The following ADAMTS3 variants were observed in gnomAD, a reference collection of about 807,000 sequenced individuals.
The protein encoded by ADAMTS3 is A disintegrin and metalloproteinase with thrombospondin motifs 3.
In ADAMTS3, 73 loss-of-function variants were observed where a neutral mutation model predicts 129.0. The ratio of observed to expected loss-of-function variants is 0.57; its 90% CI spans 0.47 to 0.69. ADAMTS3 has a LOEUF of 0.69. ADAMTS3 is among the 30% of genes least tolerant of loss of function. ADAMTS3 has a pLI of 0.00. For synonymous variants in ADAMTS3, 477 were observed against 510.8 expected (o/e 0.93, Z 0.89); for missense variants, 1,457 against 1,514.5 (o/e 0.96, Z 0.63).
intron 4 of ADAMTS3, among the ~76,000 whole-genome samples, chr4:72,413,668 A>G (rs530001244): frequency 6.6e-6 from 1 of 152,020 alleles, no homozygotes; most frequent in South Asian, 2.1e-4. Flanking sequence ...TGCAATATAT[A>G]TTACTTCTTT....
chr4:72,417,275 T>C (rs1011438524), intron 3 of ADAMTS3, among the ~76,000 whole-genome samples: 12 of 152,186 alleles, frequency 7.9e-5, no homozygotes, highest in Middle Eastern at 3.2e-3. Flanking sequence ...GAAGAAACAG[T>C]GCCACTGAAG....
intron 4 of ADAMTS3, among the ~76,000 whole-genome samples, chr4:72,351,107 T>C (rs1427065720): frequency 6.6e-6 from 1 of 152,018 alleles, no homozygotes; most frequent in Non-Finnish European, 1.5e-5. Context: ...ATGTTTCTCA[T>C]CTCTCAGGAT....
intron 3 of ADAMTS3, among the ~76,000 whole-genome samples, chr4:72,504,956 T>C (rs935707833): frequency 1.3e-5 from 2 of 152,206 alleles, no homozygotes; most frequent in Admixed American, 1.3e-4. Flanking sequence ...TCCCTTCATT[T>C]CCCATATTGC....
chr4:72,485,792 G>C (rs1043720401), intron 3 of ADAMTS3, among the ~76,000 whole-genome samples: 2 of 152,154 alleles, frequency 1.3e-5, no homozygotes, highest in Non-Finnish European at 2.9e-5. Flanking sequence ...AATTAAGAGG[G>C]GGGGCCTTTG....
chr4:72,351,987 T>C (rs955628670), intron 4 of ADAMTS3, among the ~76,000 whole-genome samples: 2 of 150,828 alleles, frequency 1.3e-5, no homozygotes, highest in Non-Finnish European at 1.5e-5. Flanking sequence ...CAACAAGCAG[T>C]ATGAAACAGC....
At position 72,315,777 on chromosome 4, in the gene ADAMTS3, T is replaced by C. The variant is rs1436001960; in HGVS notation, c.1599+81A>G. 12 of 880,878 alleles carry C rather than the reference T, an allele frequency of 1.4e-5. No individual in the cohort carries two copies. In the East Asian group the frequency reaches 3.1e-4, roughly 23 times the overall value. 54.6% of individuals were successfully genotyped at this position (880,878 alleles called of 1,614,324 possible). On this transcript the variant is annotated intron_variant, in intron 11 of 21. Coordinates refer to ENST00000286657, the MANE Select transcript of ADAMTS3 (RefSeq NM_014243.3). ...TTTCATAAAAATGACAGTGCAGCTG[T>C]GTTTACCATTTTCCAGACCTTTAAA...
chr4:72,355,859 G>C (rs551045880), intron 4 of ADAMTS3, among the ~76,000 whole-genome samples: 31 of 152,110 alleles, frequency 2.0e-4, no homozygotes, highest in African/African-American at 6.5e-4. Flanking sequence ...TGCTCTCCAT[G>C]ATATTCATCA....
chr4:72,550,114 AGAAG>A (rs1721608799), intron 2 of ADAMTS3, among the ~76,000 whole-genome samples: 2 of 96,582 alleles, frequency 2.1e-5, no homozygotes, highest in African/African-American at 7.0e-5. Context: ...AAGAAGAAGA[AGAAG>A]GCATAGAAAG....
chr4:72,305,899 C>A, intron 16 of ADAMTS3, 88 bp downstream of exon 16: 1 of 1,091,620 alleles, frequency 9.2e-7, no homozygotes, highest in Admixed American at 2.0e-5. Flanking sequence ...TATATGTGTA[C>A]ATATATACAT....
intron 4 of ADAMTS3, among the ~76,000 whole-genome samples, chr4:72,373,272 G>A (rs1379714126): frequency 2.0e-5 from 3 of 152,016 alleles, no homozygotes; most frequent in Non-Finnish European, 4.4e-5. Flanking sequence ...CAGAAGAGAC[G>A]GAGTCCAGAA....
intron 4 of ADAMTS3, among the ~76,000 whole-genome samples, chr4:72,347,020 A>C (rs2109839660): frequency 6.6e-6 from 1 of 152,166 alleles, no homozygotes; most frequent in African/African-American, 2.4e-5. Flanking sequence ...TTTAATTTGG[A>C]GCTACTAGGA....
intron 2 of ADAMTS3, among the ~76,000 whole-genome samples, chr4:72,558,826 A>C (rs373037766): frequency 1.3e-5 from 2 of 151,760 alleles, no homozygotes; most frequent in South Asian, 4.1e-4. Flanking sequence ...ATCCAGGTGA[A>C]TCAAAGTACT....
At chr4:72,305,867 T>C (rs930320135) in intron 16 of ADAMTS3, 120 bp downstream of exon 16, 5 of 829,592 alleles carry the variant, frequency 6.0e-6, no homozygotes, top group South Asian at 3.1e-5. Context: ...TATGCACATG[T>C]ATGTACATAT....
chr4:72,441,332 G>A (rs188536763), intron 3 of ADAMTS3, among the ~76,000 whole-genome samples: 74 of 151,788 alleles, frequency 4.9e-4, no homozygotes, highest in African/African-American at 1.6e-3. Flanking sequence ...CTTCTTTTGT[G>A]AGATGTCAGT....
At chr4:72,287,050 G>T (rs976739038) in intron 21 of ADAMTS3, among the ~76,000 whole-genome samples, 4 of 152,036 alleles carry the variant, frequency 2.6e-5, no homozygotes, top group African/African-American at 9.7e-5. Context: ...GTACTAACAG[G>T]GTGGGGACTT....
At chr4:72,301,626 T>C (rs1007022519) in intron 17 of ADAMTS3, among the ~76,000 whole-genome samples, 8 of 152,098 alleles carry the variant, frequency 5.3e-5, no homozygotes, top group Non-Finnish European at 1.0e-4. Flanking sequence ...CAAGTAGCTG[T>C]CTTCTGCTTT....
intron 2 of ADAMTS3, among the ~76,000 whole-genome samples, chr4:72,549,866 T>C (rs576341938): frequency 6.8e-6 from 1 of 147,898 alleles, no homozygotes; most frequent in South Asian, 2.1e-4. Context: ...AATAGAACAC[T>C]TTAAAGGAAC....
At chr4:72,284,079 T>C (rs1718434659) in intron 21 of ADAMTS3, among the ~76,000 whole-genome samples, 1 of 152,206 alleles carries the variant, frequency 6.6e-6, no homozygotes, top group Admixed American at 6.5e-5. Flanking sequence ...TATTTTATGG[T>C]ATTTCTGACT....
chr4:72,311,351 AT>A (rs3217411), intron 13 of ADAMTS3, among the ~76,000 whole-genome samples, 170 bp from the exon 14 acceptor site: 49 of 150,040 alleles, frequency 3.3e-4, no homozygotes, highest in African/African-American at 9.0e-4. Context: ...TACATTTGAC[AT>A]TTTTTTTTTA....
Sources: allele counts gnomAD v4.1 joint callset (sites outside exome capture counted in the v4.1 genomes callset), GRCh38; gene constraint gnomAD v4.1.1; transcripts MANE v1.5; gene names NCBI Gene and HGNC (gene_info 2026-07-23, HGNC 2026-07-21).